Variants in NLGN1 observed in about 807,000 individuals in gnomAD.
NLGN1 encodes neuroligin 1, also known as neuroligin-1.
NLGN1 carries 12 observed loss-of-function variants against 65.5 expected under a neutral mutation model. The observed-to-expected ratio is 0.18, with a 90% CI of 0.12 to 0.30. NLGN1 has a LOEUF of 0.30. NLGN1 is among the 10% of genes least tolerant of loss of function. NLGN1 has a pLI of 1.00. For synonymous variants in NLGN1, 350 were observed against 359.5 expected (o/e 0.97, Z 0.30); for missense variants, 750 against 1,007.1 (o/e 0.74, Z 3.46).
rs1168569970 is a variant in NLGN1, at chr3:173,490,820, A to G, written c.-321+55742A>G. Among the ~76,000 whole-genome samples, 4 of 151,966 alleles carry G rather than the reference A, an allele frequency of 2.6e-5. No individual in the cohort carries two copies. In the East Asian group the frequency reaches 5.8e-4, roughly 22 times the overall value. Reference sequence around the variant, plus strand: ...GAAGAGGTCCTTCACATCCCTTGTAAGTTGGATTCCTAGGTATTTTATTCT... The same window carrying G: ...GAAGAGGTCCTTCACATCCCTTGTAGGTTGGATTCCTAGGTATTTTATTCT... On this transcript the variant is annotated intron_variant, in intron 2 of 6. Transcript: ENST00000457714.
At chr3:173,496,091 G>T (rs975332013) in intron 2 of NLGN1, among the ~76,000 whole-genome samples, 2 of 151,346 alleles carry the variant, frequency 1.3e-5, no homozygotes, top group Non-Finnish European at 2.9e-5. Context: ...AATTATACTT[G>T]GATTTTCCTG....
At chr3:173,570,906 G>T (rs1577329036) in intron 2 of NLGN1, among the ~76,000 whole-genome samples, 1 of 152,212 alleles carries the variant, frequency 6.6e-6, no homozygotes, top group South Asian at 2.1e-4. Flanking sequence ...GTTTCACCAG[G>T]TTGGTCAGGC....
intron 4 of NLGN1, among the ~76,000 whole-genome samples, chr3:174,106,144 A>G (rs1713737193): frequency 6.6e-6 from 1 of 152,156 alleles, no homozygotes; most frequent in Non-Finnish European, 1.5e-5. Flanking sequence ...CCTCAATTAG[A>G]ATCACCGAGG....
At chr3:173,562,724 A>G (rs1244736853) in intron 2 of NLGN1, among the ~76,000 whole-genome samples, 1 of 152,284 alleles carries the variant, frequency 6.6e-6, no homozygotes, top group Admixed American at 6.5e-5. Flanking sequence ...TTAAGATACA[A>G]CATTCAACTG....
intron 4 of NLGN1, among the ~76,000 whole-genome samples, chr3:173,812,324 A>G (rs1718106716): frequency 6.6e-6 from 1 of 152,186 alleles, no homozygotes; most frequent in African/African-American, 2.4e-5. Context: ...TGAACACCTT[A>G]ATTTATTTTT....
At chr3:173,761,127 A>G (rs1777910443) in intron 3 of NLGN1, among the ~76,000 whole-genome samples, 1 of 152,024 alleles carries the variant, frequency 6.6e-6, no homozygotes, top group South Asian at 2.1e-4. Context: ...CCTTTTTGCT[A>G]TAATGTCTTT....
chr3:173,398,627 G>C (rs1003868692), intron 1 of NLGN1: 1 of 152,152 alleles, frequency 6.6e-6, no homozygotes, highest in Non-Finnish European at 1.5e-5. Context: ...ATTCATTTGT[G>C]ATAATTCTAA....
chr3:174,272,708 T>TAG (rs1553987291), intron 4 of NLGN1, among the ~76,000 whole-genome samples: 11 of 143,324 alleles, frequency 7.7e-5, no homozygotes, highest in Admixed American at 3.5e-4. Context: ...GATAGATAGA[T>TAG]ATAGATAGAT....
intron 4 of NLGN1, among the ~76,000 whole-genome samples, chr3:174,068,883 C>T (rs546763782): frequency 6.8e-4 from 104 of 152,224 alleles, no homozygotes; most frequent in Non-Finnish European, 1.3e-3. Context: ...CAAGCGTATT[C>T]TACATTAATG....
chr3:173,719,568 T>C (rs1231682012), intron 3 of NLGN1, among the ~76,000 whole-genome samples: 1 of 151,752 alleles, frequency 6.6e-6, no homozygotes, highest in Non-Finnish European at 1.5e-5. Flanking sequence ...TGTTGCATAG[T>C]GGAATTAAGG....
At chr3:174,290,528 C>G (rs1752647708), downstream of NLGN1, among the ~76,000 whole-genome samples, 1 of 150,870 alleles carries the variant, frequency 6.6e-6, no homozygotes, top group South Asian at 2.1e-4. Flanking sequence ...AATTTATTAA[C>G]AAGACATAAA....
At chr3:173,969,064 T>A (rs1383881431) in intron 4 of NLGN1, among the ~76,000 whole-genome samples, 1 of 150,172 alleles carries the variant, frequency 6.7e-6, no homozygotes, top group African/African-American at 2.4e-5. Context: ...CAAGAAGATT[T>A]AAAAAAAAAA....
intron 4 of NLGN1, among the ~76,000 whole-genome samples, chr3:174,050,106 G>T (rs1410619729): frequency 6.6e-6 from 1 of 152,086 alleles, no homozygotes; most frequent in Non-Finnish European, 1.5e-5. Flanking sequence ...TAGGTATGTA[G>T]ATGTACATTC....
chr3:173,543,079 C>T (rs944524948), intron 2 of NLGN1, among the ~76,000 whole-genome samples: 1 of 152,106 alleles, frequency 6.6e-6, no homozygotes, highest in Non-Finnish European at 1.5e-5. Flanking sequence ...CCTGCCTTTG[C>T]ACAACTCAGA....
At chr3:173,678,973 A>G (rs1000372066) in intron 3 of NLGN1, among the ~76,000 whole-genome samples, 3 of 152,068 alleles carry the variant, frequency 2.0e-5, no homozygotes, top group Admixed American at 6.6e-5. Flanking sequence ...GAGAAAAAGT[A>G]TGGTAAATGG....
At chr3:173,624,953 C>T (rs934431932) in intron 3 of NLGN1, among the ~76,000 whole-genome samples, 1 of 151,606 alleles carries the variant, frequency 6.6e-6, no homozygotes, top group African/African-American at 2.4e-5. Context: ...TGAACTTTAA[C>T]TTAGTTGACA....
At chr3:173,637,752 G>T (rs1240864809) in intron 3 of NLGN1, among the ~76,000 whole-genome samples, 1 of 152,110 alleles carries the variant, frequency 6.6e-6, no homozygotes, top group African/African-American at 2.4e-5. Context: ...AGTTGCATGG[G>T]CTAGGTATAC....
chr3:174,059,869 G>C (rs972959606), intron 4 of NLGN1, among the ~76,000 whole-genome samples: 1 of 152,138 alleles, frequency 6.6e-6, no homozygotes, highest in Non-Finnish European at 1.5e-5. Flanking sequence ...GCATTTGGCA[G>C]CATAACAGTT....
chr3:174,273,940 G>A (rs1749992884), intron 4 of NLGN1, among the ~76,000 whole-genome samples: 1 of 151,626 alleles, frequency 6.6e-6, no homozygotes, highest in Non-Finnish European at 1.5e-5. Flanking sequence ...GATAGGTAGT[G>A]TTATCATGGT....
Sources: allele counts gnomAD v4.1 joint callset (sites outside exome capture counted in the v4.1 genomes callset), GRCh38; gene constraint gnomAD v4.1.1; transcripts MANE v1.5; gene names NCBI Gene and HGNC (gene_info 2026-07-23, HGNC 2026-07-21).